RBFOX1: variants seen among roughly 807,000 people sequenced by gnomAD.
The protein encoded by RBFOX1 is RNA binding fox-1 homolog 1.
Under a neutral mutation model 57.7 loss-of-function variants are expected in RBFOX1, and 8 were observed. The ratio of observed to expected loss-of-function variants is 0.14; its 90% CI spans 0.08 to 0.25. The LOEUF is 0.25. Ranked by LOEUF, RBFOX1 falls within the 10% of genes least tolerant of loss-of-function variation. The pLI, the probability that RBFOX1 is intolerant of heterozygous loss-of-function variation, is 1.00. For missense variants in RBFOX1, 611 were observed against 548.5 expected (o/e 1.11, Z -1.14); for synonymous variants, 326 against 222.4 (o/e 1.47, Z -4.15).
intron 1 of RBFOX1, among the ~76,000 whole-genome samples, chr16:6,048,253 G>A (rs1462567032): frequency 6.6e-6 from 1 of 152,168 alleles, no homozygotes; most frequent in African/African-American, 2.4e-5. Flanking sequence ...CTGAGCGATA[G>A]GATTTGAGTT....
chr16:6,703,301 G>T (rs1456280559), intron 3 of RBFOX1, among the ~76,000 whole-genome samples: 2 of 110,382 alleles, frequency 1.8e-5, no homozygotes, highest in Non-Finnish European at 4.5e-5. Context: ...GTGGCTGGGA[G>T]TGGTAGCTTA....
intron 1 of RBFOX1, among the ~76,000 whole-genome samples, chr16:6,291,082 G>C (rs1567863256): frequency 6.6e-6 from 1 of 152,150 alleles, no homozygotes; most frequent in Non-Finnish European, 1.5e-5. Context: ...TCTGTAAACT[G>C]TCATGGCACT....
chr16:7,612,825 C>T (rs1596490480), intron 10 of RBFOX1, among the ~76,000 whole-genome samples: 1 of 152,122 alleles, frequency 6.6e-6, no homozygotes, highest in South Asian at 2.1e-4. Flanking sequence ...CACTGCAAAG[C>T]TCACCCACGT....
intron 3 of RBFOX1, among the ~76,000 whole-genome samples, chr16:5,636,165 T>G (rs1352328672): frequency 6.6e-6 from 1 of 151,970 alleles, no homozygotes; most frequent in Admixed American, 6.5e-5. Flanking sequence ...CTGACCAACA[T>G]GGTGAAACCC....
chr16:7,408,513 G>A lies in RBFOX1; in HGVS notation c.28-109634G>A, dbSNP rs989412408. Among the ~76,000 whole-genome samples the A allele has an allele frequency of 5.9e-5, 9 of 152,110 alleles. 1 individual carries two copies. In the South Asian group the frequency reaches 1.4e-3, roughly 24 times the overall value. On this transcript the variant is annotated intron_variant, in intron 4 of 15. Transcript: ENST00000550418. ...ATCTGCTGAGAAGTAGCTAATTCCC[G>A]ACACTTTTCATCTCTCTAGACTGCC... is the stretch of plus-strand genomic sequence containing the variant.
intron 4 of RBFOX1, among the ~76,000 whole-genome samples, chr16:7,169,855 G>A (rs1314509853): frequency 6.6e-6 from 1 of 152,008 alleles, no homozygotes; most frequent in Non-Finnish European, 1.5e-5. Flanking sequence ...CTGATCGCTT[G>A]AGTCCAGGAG....
chr16:6,119,444 A>G (rs1023891494), intron 1 of RBFOX1, among the ~76,000 whole-genome samples: 1 of 152,170 alleles, frequency 6.6e-6, no homozygotes, highest in Non-Finnish European at 1.5e-5. Context: ...GCATTTGCCA[A>G]GTTTCTTCAT....
intron 3 of RBFOX1, among the ~76,000 whole-genome samples, chr16:5,647,582 C>A (rs1187388042): frequency 6.6e-6 from 1 of 152,168 alleles, no homozygotes; most frequent in African/African-American, 2.4e-5. Context: ...CTTCTCCTTT[C>A]CCTTTCCCCA....
intron 2 of RBFOX1, among the ~76,000 whole-genome samples, chr16:6,550,370 C>G (rs1450508742): frequency 5.3e-5 from 8 of 152,136 alleles, no homozygotes; most frequent in Admixed American, 4.6e-4. Context: ...ACAGACAAGC[C>G]TTCACCATGT....
intron 4 of RBFOX1, among the ~76,000 whole-genome samples, chr16:7,401,518 AAAAT>A: frequency 6.6e-6 from 1 of 152,364 alleles, no homozygotes; most frequent in African/African-American, 2.4e-5. Context: ...AAAAAATAGA[AAAAT>A]AAAAAGATAG....
At chr16:6,424,606 T>TGCGTGTGTGTGTGC (rs2093870866) in intron 2 of RBFOX1, among the ~76,000 whole-genome samples, 1 of 100,130 alleles carries the variant, frequency 1.0e-5, no homozygotes, top group East Asian at 3.7e-4. Context: ...TTAAGAGCAC[T>TGCGTGTGTGTGTGC]GTGTGTGTGT....
intron 3 of RBFOX1, among the ~76,000 whole-genome samples, chr16:7,022,825 C>G (rs1156754908): frequency 2.0e-5 from 3 of 152,152 alleles, no homozygotes; most frequent in Non-Finnish European, 4.4e-5. Context: ...GATTTTATAT[C>G]CAAGGAAGCT....
chr16:6,883,052 CT>C (rs1419292827), intron 3 of RBFOX1, among the ~76,000 whole-genome samples: 58 of 152,248 alleles, frequency 3.8e-4, no homozygotes, highest in Non-Finnish European at 6.9e-4. Context: ...CCTGACATTG[CT>C]GTATTCATAG....
chr16:5,426,252 G>A (rs969641960), intron 1 of RBFOX1, among the ~76,000 whole-genome samples: 1 of 152,108 alleles, frequency 6.6e-6, no homozygotes, highest in African/African-American at 2.4e-5. Flanking sequence ...GGAAGGAGCT[G>A]GCAGAGACCC....
At chr16:6,144,417 A>G (rs2096742197) in intron 1 of RBFOX1, among the ~76,000 whole-genome samples, 1 of 152,178 alleles carries the variant, frequency 6.6e-6, no homozygotes, top group Non-Finnish European at 1.5e-5. Flanking sequence ...AAATTTCCCA[A>G]TAAACCTATT....
At chr16:6,469,299 C>G (rs1283290334) in intron 2 of RBFOX1, among the ~76,000 whole-genome samples, 4 of 152,200 alleles carry the variant, frequency 2.6e-5, no homozygotes, top group Admixed American at 2.6e-4. Context: ...CAGTGACTTT[C>G]TCAAGTTACA....
At chr16:6,299,956 A>G (rs552770850) in intron 1 of RBFOX1, among the ~76,000 whole-genome samples, 12 of 152,334 alleles carry the variant, frequency 7.9e-5, no homozygotes, top group African/African-American at 2.9e-4. Context: ...GTTAAAATAA[A>G]TCTAACAAAA....
intron 1 of RBFOX1, among the ~76,000 whole-genome samples, chr16:6,081,673 A>G (rs74004724): frequency 6.6e-6 from 1 of 152,144 alleles, no homozygotes; most frequent in Non-Finnish European, 1.5e-5. Flanking sequence ...TTATTTATTT[A>G]TTTTTGAAAC....
chr16:7,193,701 C>T (rs144377472), intron 4 of RBFOX1, among the ~76,000 whole-genome samples: 6 of 152,312 alleles, frequency 3.9e-5, no homozygotes. Flanking sequence ...TGTGACAAAG[C>T]AGATGCTTAG....
Sources: gnomAD v4.1 joint callset for allele counts (sites outside exome capture counted in the v4.1 genomes callset) on GRCh38, gnomAD v4.1.1 for gene constraint, MANE v1.5 for transcripts, NCBI Gene and HGNC (gene_info 2026-07-23, HGNC 2026-07-21) for gene names.